The following TST variants were observed in gnomAD, a reference collection of about 807,000 sequenced individuals.
The protein encoded by TST is thiosulfate sulfurtransferase, also known as epididymis secretory sperm binding protein.
A neutral mutation model predicts 20.4 loss-of-function variants in TST; 22 were observed. That is an observed-to-expected ratio of 1.08 (90% CI 0.77 to 1.54). The LOEUF is 1.54. TST is among the 40% of genes most tolerant of loss of function. The pLI is 0.00. For synonymous variants in TST, 187 were observed against 173.8 expected (o/e 1.08, Z -0.60); for missense variants, 392 against 405.2 (o/e 0.97, Z 0.28).
In TST at chr22:37,018,578, T is replaced by A; in HGVS notation, c.155A>T (p.His52Leu). 6.4e-7 allele frequency: 1 copy of A among 1,562,634 alleles called. No homozygotes were observed. Among genetic ancestry groups the A allele is most frequent in the Non-Finnish European group, 8.7e-7 (1 of 1,153,732 alleles). Residue 52 changes from histidine to leucine, a missense_variant, in exon 2 of 3, where the codon CAC (histidine) becomes CTC (leucine). Transcript: ENST00000249042. ...REARKEYLER[H>L]VPGASFFDIE... ...GTCAAAGAAAGAGGCGCCGGGTACGTGGCGCTCGAGGTACTCCTTGCGGGC... is the reference window on the plus strand; with the variant it reads ...GTCAAAGAAAGAGGCGCCGGGTACGAGGCGCTCGAGGTACTCCTTGCGGGC...
chr22:37,016,374 G>A (rs1188775592), intron 2 of TST, among the ~76,000 whole-genome samples: 1 of 152,240 alleles, frequency 6.6e-6, no homozygotes, highest in South Asian at 2.1e-4. Flanking sequence ...GAGTGGCTGA[G>A]CTGAAATGAG....
chr22:37,018,108 C>A, intron 2 of TST, 30 bp downstream of exon 2: 1 of 1,496,086 alleles, frequency 6.7e-7, no homozygotes, highest in Non-Finnish European at 9.0e-7. Flanking sequence ...GCAATACTCC[C>A]CAGGGACCAC....
At position 37,018,272 on chromosome 22, in the gene TST, T is replaced by G; in HGVS notation, c.461A>C (p.Lys154Thr). The stretch of plus-strand genomic sequence containing the variant: ...GAGCAGGGAGCGGTCCAGTGTGGCT[T>G]TGAAGACGGCCGGTTCTGGGCGTGA... ...EPSRPEPAVF[K>T]ATLDRSLLKT... Residue 154 changes from lysine (K) to threonine (T), a missense_variant, in exon 2 of 3, where the codon AAA becomes ACA. By Grantham distance (78) the Lys-to-Thr change is moderately conservative. Coordinates refer to ENST00000249042, the MANE Select transcript of TST (RefSeq NM_003312.6). 1 of 1,614,098 alleles carries G rather than the reference T, an allele frequency of 6.2e-7. No individual in the cohort carries two copies. The highest frequency in any genetic ancestry group is 8.5e-7 in the Non-Finnish European group (1 of 1,180,016).
intron 2 of TST, among the ~76,000 whole-genome samples, chr22:37,017,191 C>G (rs1023490872): frequency 6.6e-6 from 1 of 152,126 alleles, no homozygotes; most frequent in Non-Finnish European, 1.5e-5. Context: ...AGTCCTGCCT[C>G]TAGAAAAGGG....
chr22:37,014,023 G>T (rs1922578496), intron 2 of TST, among the ~76,000 whole-genome samples: 1 of 152,194 alleles, frequency 6.6e-6, no homozygotes, highest in South Asian at 2.1e-4. Flanking sequence ...GCATTTAAAT[G>T]AACTGTGGGA....
chr22:37,012,949 G>A (rs1476021610), intron 2 of TST, among the ~76,000 whole-genome samples: 3 of 152,130 alleles, frequency 2.0e-5, no homozygotes, highest in African/African-American at 7.2e-5. Context: ...GGCTGAGGGA[G>A]GAGAAACGCT....
chr22:37,017,531 G>C (rs1196840208), intron 2 of TST, among the ~76,000 whole-genome samples: 1 of 152,174 alleles, frequency 6.6e-6, no homozygotes, highest in African/African-American at 2.4e-5. Context: ...ATTGAGCTTT[G>C]TTCGCTGAGA....
intron 2 of TST, among the ~76,000 whole-genome samples, chr22:37,013,675 T>C (rs1435339408): frequency 6.6e-6 from 1 of 152,196 alleles, no homozygotes; most frequent in Non-Finnish European, 1.5e-5. Flanking sequence ...TCCTGTTGTG[T>C]TTCACCTGCT....
In TST at chr22:37,011,087, C is replaced by T; in HGVS notation, c.834G>A (p.Glu278=). 1 of 1,613,062 alleles carries T rather than the reference C, an allele frequency of 6.2e-7. No homozygotes were observed. The highest frequency in any genetic ancestry group is 8.5e-7 in the Non-Finnish European group (1 of 1,180,016). The change falls in exon 3 of 3, where the codon GAG becomes GAA. Residue 278 remains glutamate (E), a synonymous_variant. Coordinates refer to ENST00000249042, the MANE Select transcript of TST (RefSeq NM_003312.6). ...TCTCTGGGGGGGCCCGGCGAAACCA[C>T]TCGGACCAGGAGCCATCGTACACGG... ...DVAVYDGSWS[E]WFRRAPPESR...
At chr22:37,012,603 C>G (rs2145895040) in intron 2 of TST, among the ~76,000 whole-genome samples, 1 of 152,330 alleles carries the variant, frequency 6.6e-6, no homozygotes. Flanking sequence ...CCCCATTCAA[C>G]CTGGATTATG....
intron 2 of TST, among the ~76,000 whole-genome samples, chr22:37,012,942 T>C (rs1049766386): frequency 1.3e-5 from 2 of 151,748 alleles, no homozygotes; most frequent in East Asian, 1.9e-4. Context: ...CTCGGGAGGC[T>C]GAGGGAGGAG....
In TST at chr22:37,018,120, C is replaced by A; in HGVS notation, c.595+18G>T. 1 of 1,519,034 alleles carries A rather than the reference C, an allele frequency of 6.6e-7. No homozygotes were observed. The highest frequency in any genetic ancestry group is 8.8e-7 in the Non-Finnish European group (1 of 1,130,642). 94.1% of individuals were successfully genotyped at this position (1,519,034 alleles called of 1,614,324 possible). ...GGGGCAATACTCCCCAGGGACCACC[C>A]AGCACTGGGACACCTACCTACTGCA... On this transcript the variant is annotated intron_variant, in intron 2 of 2. Transcript: ENST00000249042.
rs766543651 is a variant in TST, at chr22:37,018,118, C to G, written c.595+20G>C. 1 of 1,517,336 alleles carries G rather than the reference C, an allele frequency of 6.6e-7. No individual in the cohort carries two copies. Among genetic ancestry groups the G allele is most frequent in the African/African-American group, 1.4e-5 (1 of 72,286 alleles). 94.0% of individuals were successfully genotyped at this position (1,517,336 alleles called of 1,614,324 possible). On this transcript the variant is annotated intron_variant, in intron 2 of 2. Transcript: ENST00000249042. ...ATGGGGCAATACTCCCCAGGGACCA[C>G]CCAGCACTGGGACACCTACCTACTG...
chr22:37,014,139 G>A (rs1922583855), intron 2 of TST, among the ~76,000 whole-genome samples: 1 of 152,174 alleles, frequency 6.6e-6, no homozygotes, highest in Non-Finnish European at 1.5e-5. Context: ...GAGGTGGGCG[G>A]ATCACGAGGT....
chr22:37,018,077 T>C (rs779878965), intron 2 of TST, 61 bp downstream of exon 2: 12 of 1,319,668 alleles, frequency 9.1e-6, no homozygotes, highest in African/African-American at 1.5e-5. Flanking sequence ...CAGTCATCCT[T>C]ACTCCCTATC....
rs891012148 is a variant in TST, at chr22:37,018,519, C to G, written c.214G>C (p.Glu72Gln). ...CCAGCCTCGCTGGGCAGCATCATCT[C>G]GTAGGGCGACGCCGTGTCCCGGCAC... ...EECRDTASPY[E>Q]MMLPSEAGFA... Residue 72 changes from glutamate to glutamine, a missense_variant, in exon 2 of 3, where the codon GAG becomes CAG. Transcript: ENST00000249042. The G allele has an allele frequency of 1.9e-6, 3 of 1,594,394 alleles. No homozygotes were observed. The highest frequency in any genetic ancestry group is 2.6e-6 in the Non-Finnish European group (3 of 1,170,026).
intron 2 of TST, among the ~76,000 whole-genome samples, chr22:37,017,214 G>A (rs1285284018): frequency 6.6e-6 from 1 of 152,134 alleles, no homozygotes; most frequent in Non-Finnish European, 1.5e-5. Flanking sequence ...GACCTCCGAG[G>A]TTCTGTCTGG....
intron 2 of TST, 60 bp downstream of exon 2, chr22:37,018,078 A>T: frequency 7.6e-7 from 1 of 1,315,766 alleles, no homozygotes; most frequent in South Asian, 1.5e-5. Context: ...AGTCATCCTT[A>T]CTCCCTATCC....
At chr22:37,016,707 G>A (rs1196993538) in intron 2 of TST, among the ~76,000 whole-genome samples, 1 of 152,188 alleles carries the variant, frequency 6.6e-6, no homozygotes, top group African/African-American at 2.4e-5. Flanking sequence ...GAGGGCTGCA[G>A]GCGTTCCCAG....
Sources: gnomAD v4.1 joint callset for allele counts (sites outside exome capture counted in the v4.1 genomes callset) on GRCh38, gnomAD v4.1.1 for gene constraint, MANE v1.5 for transcripts, NCBI Gene and HGNC (gene_info 2026-07-23, HGNC 2026-07-21) for gene names.